Variants in ZNF69 observed in about 807,000 individuals in gnomAD.
ZNF69 encodes the protein zinc finger protein 69, also known as ZNF3.
A neutral mutation model predicts 50.9 loss-of-function variants in ZNF69; 47 were observed. That is an observed-to-expected ratio of 0.92 (90% CI 0.73 to 1.18). The LOEUF is 1.18. Ranked by LOEUF, ZNF69 falls within the 50% of genes most tolerant of loss-of-function variation. The probability of loss-of-function intolerance (pLI) is 0.00; values close to 1 mark genes in which losing one functional copy is unlikely to be tolerated. For missense variants in ZNF69, 717 were observed against 675.1 expected (o/e 1.06, Z -0.69); for synonymous variants, 216 against 223.1 (o/e 0.97, Z 0.29).
the ZNF69 span, among the ~76,000 whole-genome samples, chr19:11,970,572 C>T: frequency 6.6e-6 from 1 of 152,042 alleles, no homozygotes; most frequent in Non-Finnish European, 1.5e-5. Context: ...ACCATTTGTC[C>T]CTGCTTTTTC....
At chr19:11,949,562 G>A in the ZNF69 span, 1 of 1,611,936 alleles carries the variant, frequency 6.2e-7, no homozygotes, top group African/African-American at 1.3e-5. Flanking sequence ...TGTAGTATAT[G>A]TGAGAAAGGC....
chr19:11,906,808 C>G (rs1246577255), downstream of ZNF69, among the ~76,000 whole-genome samples: 1 of 152,202 alleles, frequency 6.6e-6, no homozygotes, highest in Non-Finnish European at 1.5e-5. Context: ...AGCAATGGAA[C>G]AAAGCTGGAC....
chr19:11,973,341 T>C, the ZNF69 span, among the ~76,000 whole-genome samples: 2 of 152,220 alleles, frequency 1.3e-5, no homozygotes, highest in African/African-American at 4.8e-5. Flanking sequence ...AAATATGCCT[T>C]GAAGGTCTCT....
chr19:11,898,118 A>T (rs279200), intron 1 of ZNF69, among the ~76,000 whole-genome samples: 56,958 of 151,696 alleles, frequency 0.38, 12,811 homozygotes, highest in African/African-American at 0.63. Flanking sequence ...ACTGCCTTAC[A>T]TTTTTTTATA....
intron 1 of ZNF69, among the ~76,000 whole-genome samples, chr19:11,893,357 T>G (rs1977142549): frequency 6.6e-6 from 1 of 152,214 alleles, no homozygotes; most frequent in Non-Finnish European, 1.5e-5. Flanking sequence ...TGTTTTCCCC[T>G]GGCATTTTCC....
At chr19:11,931,936 A>G in the ZNF69 span, among the ~76,000 whole-genome samples, 1 of 147,724 alleles carries the variant, frequency 6.8e-6, no homozygotes, top group Non-Finnish European at 1.5e-5. Flanking sequence ...ACGAGCATGG[A>G]GAAACCCCAT....
chr19:11,930,891 C>T, the ZNF69 span, among the ~76,000 whole-genome samples: 2 of 146,750 alleles, frequency 1.4e-5, no homozygotes, highest in Admixed American at 6.7e-5. Flanking sequence ...CCCAGCTACT[C>T]GGGAGGCTGA....
At chr19:11,892,091 C>T (rs936335234) in intron 1 of ZNF69, among the ~76,000 whole-genome samples, 2 of 151,688 alleles carry the variant, frequency 1.3e-5, no homozygotes, top group South Asian at 2.1e-4. Flanking sequence ...ACCTCAGCCT[C>T]CCAAGTAGCT....
downstream of ZNF69, among the ~76,000 whole-genome samples, chr19:11,908,420 A>G (rs978404055): frequency 6.6e-6 from 1 of 152,238 alleles, no homozygotes; most frequent in African/African-American, 2.4e-5. Flanking sequence ...ACATAGTTGG[A>G]AGTAAAGCAC....
At chr19:11,897,507 C>T (rs148087550) in intron 1 of ZNF69, among the ~76,000 whole-genome samples, 1,865 of 148,458 alleles carry the variant, frequency 0.013, 21 homozygotes, top group South Asian at 0.027. Flanking sequence ...CCTAAGAGTT[C>T]GAGGCTGCAG....
chr19:11,953,664 G>A, the ZNF69 span, among the ~76,000 whole-genome samples: 2 of 152,208 alleles, frequency 1.3e-5, no homozygotes, highest in Non-Finnish European at 2.9e-5. Context: ...AAGTCAGTGG[G>A]ACCCTCTCAT....
At chr19:11,888,491 AAAG>A (rs1389849067) in intron 1 of ZNF69, among the ~76,000 whole-genome samples, 2 of 152,352 alleles carry the variant, frequency 1.3e-5, no homozygotes, top group East Asian at 1.9e-4. Context: ...TATGTAAAAT[AAAG>A]AAGTTTATTC....
chr19:11,889,141 C>A (rs907682282), intron 1 of ZNF69, among the ~76,000 whole-genome samples: 1 of 152,136 alleles, frequency 6.6e-6, no homozygotes, highest in African/African-American at 2.4e-5. Context: ...TGTTATCTGC[C>A]ACTTGATTCC....
chr19:11,906,280 C>A lies in ZNF69; in HGVS notation c.*182C>A, dbSNP rs1972372782. Reference sequence around the variant, plus strand: ...ATAGCTGAACAAAAGGCAGCAGAAACTTCTGCAGACTTAAATGTCCCTGTC... The same window carrying A: ...ATAGCTGAACAAAAGGCAGCAGAAAATTCTGCAGACTTAAATGTCCCTGTC... On this transcript the variant is annotated 3_prime_UTR_variant, in exon 4 of 4. Coordinates refer to ENST00000429654, the MANE Select transcript of ZNF69 (RefSeq NM_001364730.1). 1 of 1,442,324 alleles carries A rather than the reference C, an allele frequency of 6.9e-7. No individual in the cohort carries two copies. The highest frequency in any genetic ancestry group is 1.4e-5 in the African/African-American group (1 of 69,958). 89.3% of individuals were successfully genotyped at this position (1,442,324 alleles called of 1,614,324 possible).
At chr19:11,965,310 C>T in the ZNF69 span, 1 of 1,543,968 alleles carries the variant, frequency 6.5e-7, no homozygotes, top group African/African-American at 1.4e-5. Context: ...GCGGGCGACT[C>T]CAGGGTCTGG....
At chr19:11,900,907 G>A (rs1057290743) in intron 1 of ZNF69, among the ~76,000 whole-genome samples, 10 of 152,130 alleles carry the variant, frequency 6.6e-5, no homozygotes, top group African/African-American at 1.9e-4. Context: ...ATCCAAGGTC[G>A]TCTTGGTTTT....
At chr19:11,949,020 A>G in the ZNF69 span, 184 of 1,606,238 alleles carry the variant, frequency 1.1e-4, 2 homozygotes, top group East Asian at 2.4e-3. Context: ...CTGGGAAAAA[A>G]CCGTATGAAT....
At chr19:11,940,159 A>C in the ZNF69 span, 1 of 151,940 alleles carries the variant, frequency 6.6e-6, no homozygotes, top group Admixed American at 6.6e-5. Context: ...TCCAACTCCA[A>C]CCTCAGGTGA....
chr19:11,921,204 G>A, the ZNF69 span, among the ~76,000 whole-genome samples: 1 of 151,834 alleles, frequency 6.6e-6, no homozygotes, highest in South Asian at 2.1e-4. Flanking sequence ...AACATAGTAT[G>A]GCTCTGTTTC....
Sources: gnomAD v4.1 joint callset for allele counts (sites outside exome capture counted in the v4.1 genomes callset) on GRCh38, gnomAD v4.1.1 for gene constraint, MANE v1.5 for transcripts, NCBI Gene and HGNC (gene_info 2026-07-23, HGNC 2026-07-21) for gene names.